CTNNA2: variants seen among roughly 807,000 people sequenced by gnomAD.
CTNNA2 encodes the protein catenin alpha 2.
CTNNA2 carries 42 observed loss-of-function variants against 101.0 expected under a neutral mutation model. That is an observed-to-expected ratio of 0.42 (90% CI 0.32 to 0.54). The LOEUF (loss-of-function observed/expected upper bound fraction) is 0.54. Ranked by LOEUF, CTNNA2 falls within the 20% of genes least tolerant of loss-of-function variation. The probability of loss-of-function intolerance (pLI) is 0.14; values close to 1 mark genes in which losing one functional copy is unlikely to be tolerated. For synonymous variants in CTNNA2, 450 were observed against 456.4 expected (o/e 0.99, Z 0.18); for missense variants, 871 against 1,223.1 (o/e 0.71, Z 4.29).
At chr2:79,261,837 G>A (rs552298803) in intron 2 of CTNNA2, among the ~76,000 whole-genome samples, 3 of 152,334 alleles carry the variant, frequency 2.0e-5, no homozygotes, top group Admixed American at 6.5e-5. Context: ...AAAGGTGAAA[G>A]CAGAGATAGG....
intron 3 of CTNNA2, among the ~76,000 whole-genome samples, chr2:79,816,489 T>G (rs1677511119): frequency 6.6e-6 from 1 of 152,064 alleles, no homozygotes; most frequent in East Asian, 1.9e-4. Context: ...CACCAACGTT[T>G]GAAAGATGGG....
At chr2:79,982,435 T>C (rs1021963415) in intron 7 of CTNNA2, among the ~76,000 whole-genome samples, 3 of 146,052 alleles carry the variant, frequency 2.1e-5, no homozygotes, top group Admixed American at 1.4e-4. Flanking sequence ...ATATATAACA[T>C]ATATATAACA....
intron 3 of CTNNA2, among the ~76,000 whole-genome samples, chr2:79,355,611 C>T (rs1325909231): frequency 6.6e-6 from 1 of 152,166 alleles, no homozygotes; most frequent in Non-Finnish European, 1.5e-5. Context: ...CATTCCTATG[C>T]CCTAGCTCTT....
intron 3 of CTNNA2, among the ~76,000 whole-genome samples, chr2:79,334,049 T>A (rs980002560): frequency 2.0e-5 from 3 of 152,182 alleles, no homozygotes; most frequent in Non-Finnish European, 4.4e-5. Context: ...AATTGGCATA[T>A]CTGTCACCTC....
intron 12 of CTNNA2, among the ~76,000 whole-genome samples, chr2:80,561,152 C>T (rs1693554181): frequency 6.6e-6 from 1 of 151,914 alleles, no homozygotes; most frequent in Admixed American, 6.6e-5. Flanking sequence ...ATATGGGGGA[C>T]TGGAGTATGA....
chr2:79,337,017 C>A (rs1299618223), intron 3 of CTNNA2, among the ~76,000 whole-genome samples: 2 of 152,150 alleles, frequency 1.3e-5, no homozygotes, highest in Non-Finnish European at 2.9e-5. Context: ...TCTATAAACA[C>A]CTTGATGTTC....
chr2:79,416,310 G>A (rs1463467237), intron 4 of CTNNA2, among the ~76,000 whole-genome samples: 1 of 109,642 alleles, frequency 9.1e-6, no homozygotes, highest in African/African-American at 3.5e-5. Context: ...TCTCCAAGTT[G>A]AGAACAACTA....
chr2:80,089,926 C>T (rs1699681178), intron 7 of CTNNA2, among the ~76,000 whole-genome samples: 1 of 152,146 alleles, frequency 6.6e-6, no homozygotes, highest in East Asian at 1.9e-4. Flanking sequence ...CTCCCCAGTT[C>T]TCTGCCTTTG....
intron 3 of CTNNA2, among the ~76,000 whole-genome samples, chr2:79,347,044 C>G (rs1430765245): frequency 6.6e-6 from 1 of 152,066 alleles, no homozygotes; most frequent in African/African-American, 2.4e-5. Flanking sequence ...TTCAACATTA[C>G]CCAATATATC....
At chr2:80,115,165 T>C (rs1701442963) in intron 7 of CTNNA2, among the ~76,000 whole-genome samples, 1 of 152,226 alleles carries the variant, frequency 6.6e-6, no homozygotes, top group Non-Finnish European at 1.5e-5. Context: ...TGAGGCTTCA[T>C]GCTTTGTGAG....
chr2:80,622,731 CTG>C (rs956274907), intron 18 of CTNNA2, among the ~76,000 whole-genome samples: 8 of 151,876 alleles, frequency 5.3e-5, no homozygotes, highest in Non-Finnish European at 1.2e-4. Context: ...GTAGGGAAAA[CTG>C]TTTTTGTATT....
chr2:80,268,679 A>G (rs1440149883), intron 7 of CTNNA2, among the ~76,000 whole-genome samples: 1 of 152,208 alleles, frequency 6.6e-6, no homozygotes, highest in Admixed American at 6.5e-5. Flanking sequence ...TCATCAAAGA[A>G]AGATTTAATT....
chr2:79,219,593 G>A (rs1674316024), intron 2 of CTNNA2, among the ~76,000 whole-genome samples: 1 of 152,184 alleles, frequency 6.6e-6, no homozygotes, highest in Non-Finnish European at 1.5e-5. Context: ...TGGCCTGTTA[G>A]AATATGGCCT....
chr2:79,775,445 C>T (rs904688781), intron 3 of CTNNA2, among the ~76,000 whole-genome samples: 8 of 152,236 alleles, frequency 5.3e-5, no homozygotes, highest in African/African-American at 1.9e-4. Context: ...CATATTGGAA[C>T]TTAAATAAGT....
intron 7 of CTNNA2, among the ~76,000 whole-genome samples, chr2:80,025,173 G>A (rs988370729): frequency 3.9e-5 from 6 of 152,114 alleles, no homozygotes; most frequent in African/African-American, 1.4e-4. Flanking sequence ...GTTTTTATGG[G>A]TACAGGGTGG....
intron 7 of CTNNA2, among the ~76,000 whole-genome samples, chr2:80,130,244 T>C (rs1253209845): frequency 6.6e-6 from 1 of 152,212 alleles, no homozygotes; most frequent in Non-Finnish European, 1.5e-5. Context: ...AAAACCATTA[T>C]GTTACATAGA....
intron 7 of CTNNA2, among the ~76,000 whole-genome samples, chr2:80,101,180 C>T (rs1700518863): frequency 6.6e-6 from 1 of 152,160 alleles, no homozygotes; most frequent in Non-Finnish European, 1.5e-5. Context: ...TTTCCCTACC[C>T]TTAGCATATT....
chr2:79,630,627 C>T (rs1679626741), intron 1 of CTNNA2, among the ~76,000 whole-genome samples: 1 of 152,148 alleles, frequency 6.6e-6, no homozygotes, highest in African/African-American at 2.4e-5. Context: ...TTTGGGATAA[C>T]TTTGTTTATT....
At chr2:79,931,267 A>G (rs1687422935) in intron 7 of CTNNA2, among the ~76,000 whole-genome samples, 1 of 152,296 alleles carries the variant, frequency 6.6e-6, no homozygotes. Flanking sequence ...TGTCTTTTTA[A>G]TTATATTTAT....
Sources: gnomAD v4.1 joint callset for allele counts (sites outside exome capture counted in the v4.1 genomes callset) on GRCh38, gnomAD v4.1.1 for gene constraint, MANE v1.5 for transcripts, NCBI Gene and HGNC (gene_info 2026-07-23, HGNC 2026-07-21) for gene names.